Variants in KIF6 observed in about 807,000 individuals in gnomAD.
KIF6 encodes kinesin family member 6, also known as kinesin-like protein KIF6.
KIF6 carries 106 observed loss-of-function variants against 112.7 expected under a neutral mutation model. That is an observed-to-expected ratio of 0.94 (90% CI 0.80 to 1.11). The LOEUF is 1.11. Ranked by LOEUF, KIF6 falls within the 50% of genes least tolerant of loss-of-function variation. KIF6 has a pLI of 0.00. For missense variants in KIF6, 929 were observed against 964.0 expected (o/e 0.96, Z 0.48); for synonymous variants, 339 against 339.9 (o/e 1.00, Z 0.03).
intron 13 of KIF6, among the ~76,000 whole-genome samples, chr6:39,461,350 T>C (rs936724676): frequency 6.6e-6 from 1 of 152,184 alleles, no homozygotes. Context: ...GTGGACCCTA[T>C]TGGTTGACTA....
At chr6:39,446,779 T>G (rs1437638869) in intron 13 of KIF6, among the ~76,000 whole-genome samples, 1 of 152,208 alleles carries the variant, frequency 6.6e-6, no homozygotes, top group Non-Finnish European at 1.5e-5. Flanking sequence ...CATGAGCCAC[T>G]GAGCCTGGCC....
chr6:39,444,419 T>C lies in KIF6; in HGVS notation c.1646-13258A>G, dbSNP rs141340835. 1.3e-4 allele frequency among the ~76,000 whole-genome samples: 20 copies of C among 152,332 alleles called. No individual in the cohort carries two copies. The Middle Eastern group carries it at 0.014, about 104-fold the overall frequency. On this transcript the variant is annotated intron_variant, in intron 13 of 22. Transcript: ENST00000287152. ...GTTAGGTAATACATCCATCAACTTA[T>C]ATAGTTAGTTACCTGTTTTTTTGTT...
chr6:39,620,167 T>C (rs2150733391), intron 5 of KIF6, among the ~76,000 whole-genome samples: 1 of 152,316 alleles, frequency 6.6e-6, no homozygotes, highest in East Asian at 1.9e-4. Flanking sequence ...CTTCTGATGC[T>C]CCAGGCTTAC....
At chr6:39,379,003 T>C (rs1175031029) in intron 16 of KIF6, among the ~76,000 whole-genome samples, 2 of 152,222 alleles carry the variant, frequency 1.3e-5, no homozygotes, top group African/African-American at 4.8e-5. Context: ...TTGAATAACA[T>C]TTCGGTATCT....
intron 3 of KIF6, among the ~76,000 whole-genome samples, chr6:39,696,882 A>G (rs991942636): frequency 6.6e-6 from 1 of 151,842 alleles, no homozygotes; most frequent in Non-Finnish European, 1.5e-5. Context: ...ACTACAATCA[A>G]CTCAAAATGT....
chr6:39,595,869 T>C (rs1277397674), intron 7 of KIF6, among the ~76,000 whole-genome samples, 185 bp downstream of exon 7: 1 of 152,198 alleles, frequency 6.6e-6, no homozygotes, highest in Non-Finnish European at 1.5e-5. Flanking sequence ...TGCCAATGGT[T>C]ATACAACTTT....
intron 13 of KIF6, among the ~76,000 whole-genome samples, chr6:39,450,618 A>C (rs1458232946): frequency 6.6e-6 from 1 of 152,134 alleles, no homozygotes; most frequent in Non-Finnish European, 1.5e-5. Context: ...CAGCCTGGGC[A>C]ACATGGTGAA....
chr6:39,668,949 A>G (rs1786646595), intron 3 of KIF6, among the ~76,000 whole-genome samples: 1 of 152,152 alleles, frequency 6.6e-6, no homozygotes. Flanking sequence ...CTAGATATTG[A>G]GCAACTTTGA....
Position 39,443,156 on chromosome 6 carries a change from T to TAATAATA in KIF6, c.1646-11996_1646-11995insTATTATT, listed in dbSNP as rs1554217804. On this transcript the variant is annotated intron_variant, in intron 13 of 22. Transcript: ENST00000287152. The stretch of plus-strand genomic sequence containing the variant: ...ATAATAATAATAATAATAATAATAA[T>TAATAATA]AATAAATAAAAATAAAAAAAAGAAA... Among the ~76,000 whole-genome samples the TAATAATA allele has an allele frequency of 2.1e-3, 241 of 113,066 alleles. 2 individuals carry two copies. Among genetic ancestry groups the TAATAATA allele is most frequent in the African/African-American group, 7.6e-3 (227 of 29,788 alleles). 74.2% of individuals were successfully genotyped at this position (113,066 alleles called of 152,430 possible).
chr6:39,504,341 T>A (rs1431234159), intron 13 of KIF6, among the ~76,000 whole-genome samples: 2 of 151,488 alleles, frequency 1.3e-5, no homozygotes, highest in Non-Finnish European at 3.0e-5. Context: ...AAACTATGTA[T>A]TGAACCTCAA....
At chr6:39,521,660 G>A (rs1305845221) in intron 13 of KIF6, among the ~76,000 whole-genome samples, 1 of 152,092 alleles carries the variant, frequency 6.6e-6, no homozygotes, top group East Asian at 1.9e-4. Flanking sequence ...CAGTACCTTG[G>A]TTCCAACTTC....
At chr6:39,591,270 AG>A (rs1781939432) in intron 7 of KIF6, among the ~76,000 whole-genome samples, 2 of 152,204 alleles carry the variant, frequency 1.3e-5, no homozygotes, top group Non-Finnish European at 2.9e-5. Context: ...CTCTCTAGAA[AG>A]GGCTCTCTAA....
chr6:39,494,827 A>AG (rs1352836887), intron 13 of KIF6, among the ~76,000 whole-genome samples: 4 of 152,146 alleles, frequency 2.6e-5, no homozygotes, highest in Non-Finnish European at 5.9e-5. Context: ...ACAAAAAAAA[A>AG]GATAAGAAAA....
intron 3 of KIF6, among the ~76,000 whole-genome samples, chr6:39,674,804 C>A (rs1180259501): frequency 2.0e-5 from 3 of 148,324 alleles, no homozygotes; most frequent in African/African-American, 7.5e-5. Context: ...GGAGGTAAAA[C>A]TAACATACTA....
At chr6:39,402,380 C>T (rs1227535190) in intron 15 of KIF6, among the ~76,000 whole-genome samples, 1 of 152,158 alleles carries the variant, frequency 6.6e-6, no homozygotes, top group Non-Finnish European at 1.5e-5. Flanking sequence ...CTGTGCCCGG[C>T]AGAAACTTGC....
intron 3 of KIF6, among the ~76,000 whole-genome samples, chr6:39,712,893 T>C (rs978970514): frequency 6.6e-6 from 1 of 152,210 alleles, no homozygotes; most frequent in African/African-American, 2.4e-5. Context: ...ATGGCACGTG[T>C]ATACCTATGT....
chr6:39,714,904 G>A, intron 2 of KIF6, 138 bp from the exon 3 acceptor site: 1 of 638,262 alleles, frequency 1.6e-6, no homozygotes, highest in Non-Finnish European at 2.8e-6. Context: ...CACAATGTTT[G>A]CCCTGTAGTC....
chr6:39,530,551 A>C (rs1238370970), intron 13 of KIF6, among the ~76,000 whole-genome samples: 1 of 152,204 alleles, frequency 6.6e-6, no homozygotes, highest in Non-Finnish European at 1.5e-5. Context: ...AAAGCCCCAA[A>C]GCCCCTAACC....
At chr6:39,714,218 C>T (rs1327723401) in intron 3 of KIF6, among the ~76,000 whole-genome samples, 1 of 152,112 alleles carries the variant, frequency 6.6e-6, no homozygotes, top group Non-Finnish European at 1.5e-5. Flanking sequence ...AGCAAAGGGC[C>T]AAGCTTTGAA....
Sources: gnomAD v4.1 joint callset for allele counts (sites outside exome capture counted in the v4.1 genomes callset) on GRCh38, gnomAD v4.1.1 for gene constraint, MANE v1.5 for transcripts, NCBI Gene and HGNC (gene_info 2026-07-23, HGNC 2026-07-21) for gene names.